SPAG16: variants seen among roughly 807,000 people sequenced by gnomAD.
SPAG16 encodes the protein sperm associated antigen 16.
A neutral mutation model predicts 80.4 loss-of-function variants in SPAG16; 86 were observed. The observed-to-expected ratio is 1.07, with a 90% CI of 0.90 to 1.28. The LOEUF is 1.28. Among genes scored for constraint, SPAG16 ranks in the 50% most tolerant of loss-of-function variants. The pLI, the probability that SPAG16 is intolerant of heterozygous loss-of-function variation, is 0.00. For missense variants in SPAG16, 870 were observed against 765.3 expected, an observed-to-expected ratio of 1.14 and a Z score of -1.61; for synonymous variants, 294 against 265.9, an observed-to-expected ratio of 1.11 and a Z score of -1.03.
chr2:213,949,179 T>TTTTTTTTTTTTTTGTTTGTTTTTTTG (rs2079613121), intron 12 of SPAG16, among the ~76,000 whole-genome samples: 5 of 36,242 alleles, frequency 1.4e-4, no homozygotes, highest in Non-Finnish European at 2.7e-4. Flanking sequence ...GTTTTTTTTT[T>TTTTTTTTTTTTTTGTTTGTTTTTTTG]TTTTTTTTTT....
chr2:213,920,428 G>A (rs764257580), intron 11 of SPAG16, among the ~76,000 whole-genome samples: 2 of 152,164 alleles, frequency 1.3e-5, no homozygotes, highest in Non-Finnish European at 2.9e-5. Context: ...GTTGGCATGG[G>A]GGAAGGTAAA....
intron 10 of SPAG16, among the ~76,000 whole-genome samples, chr2:213,637,302 C>T (rs1173458122): frequency 6.6e-6 from 1 of 151,986 alleles, no homozygotes; most frequent in East Asian, 1.9e-4. Flanking sequence ...CTGTAAGAAA[C>T]CCACTTGATC....
chr2:213,451,040 A>G (rs1201833603), intron 9 of SPAG16, among the ~76,000 whole-genome samples: 1 of 152,204 alleles, frequency 6.6e-6, no homozygotes, highest in Non-Finnish European at 1.5e-5. Flanking sequence ...TAGGCATAAT[A>G]TGAATTTTAT....
At chr2:213,850,907 A>G (rs780021763) in intron 10 of SPAG16, among the ~76,000 whole-genome samples, 6 of 152,042 alleles carry the variant, frequency 3.9e-5, no homozygotes, top group Non-Finnish European at 7.4e-5. Flanking sequence ...TTTTCTCATA[A>G]CATACCAGTC....
At chr2:214,207,906 A>T (rs1160176176) in intron 15 of SPAG16, among the ~76,000 whole-genome samples, 1 of 152,000 alleles carries the variant, frequency 6.6e-6, no homozygotes, top group East Asian at 1.9e-4. Context: ...CAACCTTTAG[A>T]CTCTTGGACT....
intron 15 of SPAG16, among the ~76,000 whole-genome samples, chr2:214,285,873 A>G (rs1693320954): frequency 6.6e-6 from 1 of 152,150 alleles, no homozygotes; most frequent in South Asian, 2.1e-4. Flanking sequence ...GTTTGATGCA[A>G]TCCCACTTTC....
intron 10 of SPAG16, among the ~76,000 whole-genome samples, chr2:213,847,983 T>G (rs1206550212): frequency 1.3e-5 from 2 of 152,220 alleles, no homozygotes; most frequent in African/African-American, 2.4e-5. Flanking sequence ...CATTCAGCAC[T>G]GAAATAAGGC....
In SPAG16 at chr2:214,218,401, T is replaced by A. The variant is rs541993939; in HGVS notation, c.1720+69135T>A. Among the ~76,000 whole-genome samples the A allele has an allele frequency of 2.0e-5, 3 of 152,236 alleles. No homozygotes were observed. In the South Asian group the frequency reaches 6.2e-4, roughly 32 times the overall value. ...TTTCCCAGCACTGGTTTGTGCCAAA[T>A]CTGGGAAAACTTGACGGAAAAATAC... On this transcript the variant is annotated intron_variant, in intron 15 of 15. Coordinates refer to ENST00000331683, the MANE Select transcript of SPAG16 (RefSeq NM_024532.5).
intron 13 of SPAG16, among the ~76,000 whole-genome samples, chr2:214,017,657 T>C (rs1050865830): frequency 1.3e-5 from 2 of 152,172 alleles, no homozygotes; most frequent in African/African-American, 4.8e-5. Flanking sequence ...CTTTCTGTGC[T>C]ATCCTTATTC....
At chr2:213,910,709 C>T (rs574363849) in intron 11 of SPAG16, among the ~76,000 whole-genome samples, 820 of 32,516 alleles carry the variant, frequency 0.025, 192 homozygotes, top group African/African-American at 0.043. Flanking sequence ...AGAATGGTCT[C>T]GATCTCCTGA....
At chr2:214,332,036 G>A (rs12471401) in intron 15 of SPAG16, among the ~76,000 whole-genome samples, 48,502 of 152,166 alleles carry the variant, frequency 0.32, 12,144 homozygotes, top group African/African-American at 0.69. Flanking sequence ...CAGATCACTC[G>A]AGGTCAGGAG....
chr2:213,702,992 G>A (rs1045932650), intron 10 of SPAG16, among the ~76,000 whole-genome samples: 1 of 152,186 alleles, frequency 6.6e-6, no homozygotes, highest in Non-Finnish European at 1.5e-5. Context: ...CCCACAATGT[G>A]AAACTCAGGT....
intron 1 of SPAG16, among the ~76,000 whole-genome samples, chr2:213,288,601 G>A (rs573970065): frequency 7.2e-5 from 11 of 151,786 alleles, no homozygotes; most frequent in Admixed American, 3.9e-4. Flanking sequence ...GTGAGCCACC[G>A]CACCTGTCCT....
chr2:213,639,865 C>T (rs2062520026), intron 10 of SPAG16, among the ~76,000 whole-genome samples: 1 of 152,180 alleles, frequency 6.6e-6, no homozygotes, highest in South Asian at 2.1e-4. Flanking sequence ...TCTTCTTCCT[C>T]AGGAACATCA....
chr2:213,467,004 A>G (rs1318370247), intron 9 of SPAG16, among the ~76,000 whole-genome samples: 2 of 152,162 alleles, frequency 1.3e-5, no homozygotes, highest in African/African-American at 4.8e-5. Context: ...CAGGTATTTG[A>G]GTTAGCAAAG....
At position 214,094,925 on chromosome 2, in the gene SPAG16, C is replaced by T. The variant is rs150412400; in HGVS notation, c.1528-13271C>T. 4.1e-3 allele frequency among the ~76,000 whole-genome samples: 618 copies of T among 152,026 alleles called. 1 individual carries two copies. Among genetic ancestry groups the T allele is most frequent in the Non-Finnish European group, 6.8e-3 (465 of 67,954 alleles). On this transcript the variant is annotated intron_variant, in intron 13 of 15. Coordinates refer to ENST00000331683, the MANE Select transcript of SPAG16 (RefSeq NM_024532.5). ...TCTAGTTAGGTAGCCGGTTTCTGGA[C>T]GTCAGATCGTTGCCAATTGGATGAA...
intron 15 of SPAG16, among the ~76,000 whole-genome samples, chr2:214,229,217 G>A (rs998073786): frequency 7.9e-5 from 12 of 151,450 alleles, no homozygotes; most frequent in African/African-American, 1.5e-4. Context: ...AGGTCACTAC[G>A]ATGGGCACAT....
intron 13 of SPAG16, among the ~76,000 whole-genome samples, chr2:214,044,721 C>A (rs1012674295): frequency 2.6e-5 from 4 of 152,160 alleles, no homozygotes; most frequent in African/African-American, 9.7e-5. Context: ...AATTTTTGCA[C>A]TTAAGAGAGG....
chr2:214,095,319 A>G (rs2052515836), intron 13 of SPAG16, among the ~76,000 whole-genome samples: 1 of 151,916 alleles, frequency 6.6e-6, no homozygotes, highest in Non-Finnish European at 1.5e-5. Context: ...CCCCCCAGAA[A>G]CCTTTTCTCC....
Sources: gnomAD v4.1 joint callset for allele counts (sites outside exome capture counted in the v4.1 genomes callset) on GRCh38, gnomAD v4.1.1 for gene constraint, MANE v1.5 for transcripts, NCBI Gene and HGNC (gene_info 2026-07-23, HGNC 2026-07-21) for gene names.